The following PIK3C2G variants were observed in gnomAD, a reference collection of about 807,000 sequenced individuals.
PIK3C2G encodes phosphatidylinositol 3-kinase C2 domain-containing subunit gamma.
PIK3C2G carries 168 observed loss-of-function variants against 181.1 expected under a neutral mutation model. The ratio of observed to expected loss-of-function variants is 0.93; its 90% confidence interval spans 0.82 to 1.05. PIK3C2G has a LOEUF of 1.05. Among genes scored for constraint, PIK3C2G ranks in the 50% least tolerant of loss-of-function variants. PIK3C2G has a pLI of 0.00. For missense variants in PIK3C2G, 1,869 were observed against 1,732.8 expected, an observed-to-expected ratio of 1.08 and a Z score of -1.40; for synonymous variants, 573 against 592.2, an observed-to-expected ratio of 0.97 and a Z score of 0.47.
At chr12:18,518,138 A>G (rs1942668456) in intron 24 of PIK3C2G, among the ~76,000 whole-genome samples, 1 of 152,148 alleles carries the variant, frequency 6.6e-6, no homozygotes, top group Non-Finnish European at 1.5e-5. Context: ...TCGGTTTGCC[A>G]ATATTTTATT....
intron 18 of PIK3C2G, among the ~76,000 whole-genome samples, chr12:18,482,346 C>A (rs1432401027): frequency 6.6e-6 from 1 of 151,958 alleles, no homozygotes; most frequent in Non-Finnish European, 1.5e-5. Flanking sequence ...GAATTGCAAT[C>A]CCCTCTCTGT....
upstream of PIK3C2G, among the ~76,000 whole-genome samples, chr12:18,243,095 G>A (rs961572444): frequency 3.9e-5 from 6 of 152,108 alleles, no homozygotes; most frequent in South Asian, 1.2e-3. Flanking sequence ...ATCCTGAAAT[G>A]AAGTTTTCAA....
At chr12:18,341,584 G>T (rs1335387174) in intron 9 of PIK3C2G, among the ~76,000 whole-genome samples, 1 of 152,110 alleles carries the variant, frequency 6.6e-6, no homozygotes, top group Non-Finnish European at 1.5e-5. Flanking sequence ...ACTGCTGAAA[G>T]CTCATTTATT....
chr12:18,495,543 T>C (rs1184420443), intron 20 of PIK3C2G, among the ~76,000 whole-genome samples: 2 of 152,196 alleles, frequency 1.3e-5, no homozygotes, highest in Non-Finnish European at 2.9e-5. Context: ...TTCCTGAATC[T>C]ATCACAAAGA....
chr12:18,620,491 T>G (rs1213130367), intron 31 of PIK3C2G, among the ~76,000 whole-genome samples: 2 of 151,954 alleles, frequency 1.3e-5, no homozygotes, highest in Non-Finnish European at 1.5e-5. Flanking sequence ...AGTGGGCTTC[T>G]TGTGCATATG....
intron 15 of PIK3C2G, among the ~76,000 whole-genome samples, chr12:18,392,011 T>C (rs1035196038): frequency 2.0e-5 from 3 of 152,098 alleles, no homozygotes; most frequent in African/African-American, 7.2e-5. Context: ...AGTGATACCT[T>C]TGACGACAAG....
chr12:18,252,193 C>T (rs73056457), intron 1 of PIK3C2G, among the ~76,000 whole-genome samples: 9,070 of 151,994 alleles, frequency 0.06, 408 homozygotes, highest in Non-Finnish European at 0.093. Context: ...AGGATATAAC[C>T]GAAACTATAG....
chr12:18,650,740 A>ATATC (rs1950470865), downstream of PIK3C2G, among the ~76,000 whole-genome samples: 1 of 32,332 alleles, frequency 3.1e-5, no homozygotes, highest in Non-Finnish European at 5.1e-5. Flanking sequence ...ATATATATAT[A>ATATC]TATATATATA....
At chr12:18,572,635 T>G (rs1051281198) in intron 29 of PIK3C2G, among the ~76,000 whole-genome samples, 2 of 152,028 alleles carry the variant, frequency 1.3e-5, no homozygotes, top group Admixed American at 1.3e-4. Context: ...TCATCAGTTT[T>G]GGAAAGTTTT....
At chr12:18,579,183 T>C (rs1022369982) in intron 29 of PIK3C2G, among the ~76,000 whole-genome samples, 2 of 152,112 alleles carry the variant, frequency 1.3e-5, no homozygotes, top group Admixed American at 6.5e-5. Flanking sequence ...AGATTAAAAA[T>C]AATGCAACAT....
chr12:18,442,272 G>A (rs1023152486), intron 18 of PIK3C2G, among the ~76,000 whole-genome samples: 1 of 151,998 alleles, frequency 6.6e-6, no homozygotes, highest in South Asian at 2.1e-4. Flanking sequence ...GACAATGAAT[G>A]TACTCACTGA....
intron 18 of PIK3C2G, among the ~76,000 whole-genome samples, chr12:18,445,691 A>G (rs1193770735): frequency 4.6e-5 from 7 of 152,200 alleles, no homozygotes; most frequent in Non-Finnish European, 1.0e-4. Context: ...TCAATGTAGA[A>G]TTGGTAAAAA....
At chr12:18,516,788 T>A (rs766520429) in intron 24 of PIK3C2G, among the ~76,000 whole-genome samples, 1 of 152,024 alleles carries the variant, frequency 6.6e-6, no homozygotes, top group Non-Finnish European at 1.5e-5. Flanking sequence ...TGGTTTTTTC[T>A]TTCTAGGATT....
chr12:18,628,981 A>T (rs1949226546), intron 31 of PIK3C2G, among the ~76,000 whole-genome samples: 1 of 152,186 alleles, frequency 6.6e-6, no homozygotes, highest in Non-Finnish European at 1.5e-5. Flanking sequence ...AACCACTATA[A>T]ATGTAGCAGT....
At chr12:18,655,299 C>G in the PIK3C2G span, among the ~76,000 whole-genome samples, 1 of 152,062 alleles carries the variant, frequency 6.6e-6, no homozygotes, top group African/African-American at 2.4e-5. Context: ...GACACAGGAG[C>G]CAACTGAAAG....
intron 14 of PIK3C2G, among the ~76,000 whole-genome samples, chr12:18,387,920 G>A (rs1278245069): frequency 6.6e-6 from 1 of 152,088 alleles, no homozygotes; most frequent in East Asian, 1.9e-4. Context: ...AAAATGTTTG[G>A]CTCTTCCTTT....
At chr12:18,661,384 G>A in the PIK3C2G span, among the ~76,000 whole-genome samples, 2 of 151,876 alleles carry the variant, frequency 1.3e-5, no homozygotes, top group Non-Finnish European at 2.9e-5. Flanking sequence ...AAAAGAGAGA[G>A]AGAGAATCTT....
At chr12:18,590,433 C>G (rs946209417) in intron 29 of PIK3C2G, among the ~76,000 whole-genome samples, 1 of 151,862 alleles carries the variant, frequency 6.6e-6, no homozygotes, top group African/African-American at 2.4e-5. Flanking sequence ...GTTTTTATTA[C>G]TCTAGCTGGT....
In PIK3C2G at chr12:18,594,551, T is replaced by A; in HGVS notation, c.4069T>A (p.Ser1357Thr). ...SEAVQQTVEE[S>T]SPVYLGEKFP... ...GGCTGTGCAACAAACAGTTGAAGAA[T>A]CATCACCTGTGTACCTAGGTAAGTA... The change falls in exon 30 of 33, where the codon TCA (serine) becomes ACA (threonine). Residue 1357 changes from serine to threonine, a missense_variant. Physicochemically the swap from Ser to Thr is moderately conservative, Grantham distance 58. Coordinates refer to ENST00000538779, the MANE Select transcript of PIK3C2G (RefSeq NM_001288772.2). 3 of 1,545,216 alleles carry A rather than the reference T, an allele frequency of 1.9e-6. No homozygotes were observed. Among genetic ancestry groups the A allele is most frequent in the Non-Finnish European group, 2.6e-6 (3 of 1,148,236 alleles).
Sources: allele counts gnomAD v4.1 joint callset (sites outside exome capture counted in the v4.1 genomes callset), GRCh38; gene constraint gnomAD v4.1.1; transcripts MANE v1.5; gene names NCBI Gene and HGNC (gene_info 2026-07-23, HGNC 2026-07-21).